CCDC178: variants seen among roughly 807,000 people sequenced by gnomAD.
The protein encoded by CCDC178 is coiled-coil domain containing 178.
A neutral mutation model predicts 117.4 loss-of-function variants in CCDC178; 126 were observed. The observed-to-expected ratio is 1.07, with a 90% CI of 0.93 to 1.24. The LOEUF (loss-of-function observed/expected upper bound fraction) is 1.24, where lower values mean the gene tolerates loss of function less well. CCDC178 is among the 50% of genes most tolerant of loss of function. CCDC178 has a pLI of 0.00. For missense variants in CCDC178, 1,030 were observed against 986.9 expected (o/e 1.04, Z -0.59); for synonymous variants, 283 against 313.4 (o/e 0.90, Z 1.02).
intron 21 of CCDC178, among the ~76,000 whole-genome samples, chr18:33,002,072 A>G (rs1164545169): frequency 1.3e-5 from 2 of 152,214 alleles, no homozygotes; most frequent in Non-Finnish European, 2.9e-5. Context: ...TCTCAACATA[A>G]TAACAGCTGG....
At chr18:33,337,567 T>G (rs1356993251) in intron 9 of CCDC178, among the ~76,000 whole-genome samples, 1 of 152,064 alleles carries the variant, frequency 6.6e-6, no homozygotes, top group Non-Finnish European at 1.5e-5. Flanking sequence ...AATGGGCACG[T>G]AGACCAATGG....
rs78649195 is a variant in CCDC178 at position 33,008,053 on chromosome 18, T to C, written c.2389-33372A>G. Among the ~76,000 whole-genome samples the C allele has an allele frequency of 2.6e-3, 396 of 152,256 alleles. 21 individuals carry two copies. In the East Asian group the frequency reaches 0.072, roughly 27 times the overall value. The stretch of plus-strand genomic sequence containing the variant: ...AACATTATGTCAAACATTCTGATGA[T>C]TGGTTACAAGTGAATCAGTGGACGA... On this transcript the variant is annotated intron_variant, in intron 21 of 22. Coordinates refer to ENST00000383096, the MANE Select transcript of CCDC178 (RefSeq NM_001105528.4).
intron 20 of CCDC178, among the ~76,000 whole-genome samples, chr18:33,152,484 TG>T (rs1191606347): frequency 1.3e-5 from 2 of 151,902 alleles, no homozygotes; most frequent in African/African-American, 4.8e-5. Context: ...TGACCTCTTG[TG>T]CCACTGGAAA....
intron 20 of CCDC178, among the ~76,000 whole-genome samples, chr18:33,117,877 G>C (rs370156160): frequency 1.9e-4 from 29 of 152,018 alleles, no homozygotes; most frequent in African/African-American, 7.0e-4. Flanking sequence ...GGGTATTGTA[G>C]TTTTCCATTG....
chr18:33,257,061 T>C (rs2059689527), intron 14 of CCDC178, among the ~76,000 whole-genome samples: 1 of 152,136 alleles, frequency 6.6e-6, no homozygotes, highest in Admixed American at 6.6e-5. Context: ...ATTTTCCTTA[T>C]GTGCTTTATA....
chr18:33,429,882 G>T (rs1444502079), intron 2 of CCDC178, among the ~76,000 whole-genome samples: 4 of 152,122 alleles, frequency 2.6e-5, no homozygotes, highest in African/African-American at 9.7e-5. Context: ...AAAGGTAGAT[G>T]ATATATGCTA....
chr18:33,374,932 T>C (rs2063344728), intron 5 of CCDC178, among the ~76,000 whole-genome samples: 1 of 152,164 alleles, frequency 6.6e-6, no homozygotes, highest in Non-Finnish European at 1.5e-5. Context: ...ACTAAAATCA[T>C]ACTGGAGTTG....
At chr18:33,343,137 T>G (rs1463498634) in intron 9 of CCDC178, among the ~76,000 whole-genome samples, 1 of 152,048 alleles carries the variant, frequency 6.6e-6, no homozygotes, top group African/African-American at 2.4e-5. Context: ...CATCAGATCA[T>G]TATAGGAAAA....
rs557237712 is a variant in CCDC178, at chr18:33,247,093, T to TGTGAGA, written c.1410-1666_1410-1665insTCTCAC. Among the ~76,000 whole-genome samples, 902 of 148,196 alleles carry TGTGAGA rather than the reference T, an allele frequency of 6.1e-3. 2 individuals are homozygous for TGTGAGA. The highest frequency in any genetic ancestry group is 8.9e-3 in the Non-Finnish European group (593 of 66,842). On this transcript the variant is annotated intron_variant, in intron 14 of 22. Transcript: ENST00000383096. Reference sequence around the variant, plus strand: ...TGTGTTACGTGTGTGTGTGTGTGTGTGAGAGAGAGAGAGAGACAGAGTCAG... The same window carrying TGTGAGA: ...TGTGTTACGTGTGTGTGTGTGTGTGTGTGAGAGAGAGAGAGAGAGAGACAGAGTCAG...
intron 21 of CCDC178, among the ~76,000 whole-genome samples, chr18:32,978,869 T>A (rs2055082689): frequency 1.3e-5 from 2 of 152,010 alleles, no homozygotes; most frequent in Non-Finnish European, 2.9e-5. Flanking sequence ...AAACCCTGTC[T>A]TTACTAAAAA....
At chr18:33,195,941 T>C (rs1000079127) in intron 20 of CCDC178, among the ~76,000 whole-genome samples, 6 of 152,184 alleles carry the variant, frequency 3.9e-5, no homozygotes, top group African/African-American at 1.4e-4. Context: ...GAGTAATTAT[T>C]TGTGTAGAGT....
chr18:32,960,117 C>A (rs999961139), intron 22 of CCDC178, among the ~76,000 whole-genome samples: 43 of 151,934 alleles, frequency 2.8e-4, no homozygotes, highest in Admixed American at 8.5e-4. Flanking sequence ...ATCATATTGA[C>A]ACATTGTGAA....
intron 20 of CCDC178, among the ~76,000 whole-genome samples, chr18:33,210,221 G>T (rs1355928178): frequency 6.6e-6 from 1 of 151,996 alleles, no homozygotes; most frequent in Non-Finnish European, 1.5e-5. Context: ...CCTTAGAGAA[G>T]AAATTATTCT....
At chr18:33,015,962 G>A (rs1438977534) in intron 21 of CCDC178, among the ~76,000 whole-genome samples, 4 of 152,112 alleles carry the variant, frequency 2.6e-5, no homozygotes, top group Non-Finnish European at 4.4e-5. Context: ...AATAGAAAGA[G>A]AATGAACAAA....
At chr18:33,157,125 A>C (rs1475777773) in intron 20 of CCDC178, among the ~76,000 whole-genome samples, 1 of 152,206 alleles carries the variant, frequency 6.6e-6, no homozygotes, top group East Asian at 1.9e-4. Flanking sequence ...ATTTTCTGAT[A>C]ACTGGATGAA....
intron 21 of CCDC178, among the ~76,000 whole-genome samples, chr18:32,986,333 A>G (rs1396814647): frequency 6.6e-6 from 1 of 152,110 alleles, no homozygotes; most frequent in Non-Finnish European, 1.5e-5. Context: ...AGCCTAGAGT[A>G]GAGCTGAGGA....
intron 14 of CCDC178, among the ~76,000 whole-genome samples, chr18:33,249,163 A>G (rs1004967390): frequency 2.0e-5 from 3 of 152,074 alleles, no homozygotes; most frequent in African/African-American, 7.2e-5. Context: ...GATTCTGGAT[A>G]TTAGCCCTTT....
chr18:33,146,390 T>C (rs528371935), intron 20 of CCDC178, among the ~76,000 whole-genome samples: 2 of 152,322 alleles, frequency 1.3e-5, no homozygotes, highest in East Asian at 1.9e-4. Flanking sequence ...GTGGCTTCCT[T>C]GCATATTTTA....
intron 9 of CCDC178, among the ~76,000 whole-genome samples, chr18:33,337,130 C>G (rs1464620906): frequency 3.0e-5 from 4 of 133,500 alleles, no homozygotes; most frequent in Non-Finnish European, 6.2e-5. Context: ...AGGTATATTC[C>G]TAAGCTTTTT....
Sources: gnomAD v4.1 joint callset for allele counts (sites outside exome capture counted in the v4.1 genomes callset) on GRCh38, gnomAD v4.1.1 for gene constraint, MANE v1.5 for transcripts, NCBI Gene and HGNC (gene_info 2026-07-23, HGNC 2026-07-21) for gene names.